The following RGS7 variants were observed in gnomAD, a reference collection of about 807,000 sequenced individuals.
The protein encoded by RGS7 is regulator of G-protein signaling 7.
In RGS7, 27 loss-of-function variants were observed where a neutral mutation model predicts 81.1. That is an observed-to-expected ratio of 0.33 (90% CI 0.25 to 0.46). The LOEUF is 0.46. Among genes scored for constraint, RGS7 ranks in the 20% least tolerant of loss-of-function variants. The probability of loss-of-function intolerance (pLI) is 1.00; values close to 1 mark genes in which losing one functional copy is unlikely to be tolerated. For synonymous variants in RGS7, 208 were observed against 207.7 expected (o/e 1.00, Z -0.01); for missense variants, 396 against 607.4 (o/e 0.65, Z 3.66).
In RGS7 at chr1:240,931,481, C is replaced by T. The variant is rs569457657; in HGVS notation, c.334-713G>A. Among the ~76,000 whole-genome samples, 10 of 152,106 alleles carry T rather than the reference C, an allele frequency of 6.6e-5. No individual in the cohort carries two copies. In the South Asian group the frequency reaches 2.1e-3, roughly 32 times the overall value. ...AATAAATGCTTGAGGGAATGGAGAT[C>T]CCATTCTCCATGATGTGATGACTCC... On this transcript the variant is annotated intron_variant, in intron 5 of 18. Transcript: ENST00000440928.
chr1:241,297,236 T>C (rs1268846150), intron 2 of RGS7, among the ~76,000 whole-genome samples: 1 of 152,180 alleles, frequency 6.6e-6, no homozygotes, highest in Admixed American at 6.5e-5. Flanking sequence ...GTGGAATGAA[T>C]TTATGGAAGA....
chr1:241,115,449 T>C (rs1294474402), intron 2 of RGS7, among the ~76,000 whole-genome samples: 1 of 152,226 alleles, frequency 6.6e-6, no homozygotes, highest in Non-Finnish European at 1.5e-5. Flanking sequence ...GAGGCATTTA[T>C]CCTTCTACTA....
chr1:241,068,236 GTGTATATATATATATATATATAAAATAT>G (rs2062189270), intron 3 of RGS7, among the ~76,000 whole-genome samples: 1 of 8,674 alleles, frequency 1.2e-4, no homozygotes, highest in Admixed American at 1.9e-3. Flanking sequence ...GTGTGTGTGT[GTGTATATATATATATATATATAAAATAT>G]TGTGTATATA....
chr1:240,921,514 A>C (rs1242991672), intron 6 of RGS7, among the ~76,000 whole-genome samples: 1 of 152,150 alleles, frequency 6.6e-6, no homozygotes. Flanking sequence ...ATGTTTGTCT[A>C]GGTAGACAAT....
chr1:240,955,982 T>C (rs1397870159), intron 4 of RGS7, among the ~76,000 whole-genome samples: 1 of 152,170 alleles, frequency 6.6e-6, no homozygotes, highest in Non-Finnish European at 1.5e-5. Context: ...GGTTGTCAGG[T>C]ATAGCACTAA....
intron 9 of RGS7, among the ~76,000 whole-genome samples, chr1:240,862,421 ATGGC>A (rs1405548490): frequency 6.6e-6 from 1 of 152,174 alleles, no homozygotes; most frequent in Non-Finnish European, 1.5e-5. Context: ...TTTCTGGCTA[ATGGC>A]TTCCAATCCA....
At position 241,091,875 on chromosome 1, in the gene RGS7, A is replaced by T. The variant is rs1271526437; in HGVS notation, c.175+6791T>A. Among the ~76,000 whole-genome samples, 6 of 152,252 alleles carry T rather than the reference A, an allele frequency of 3.9e-5. No individual in the cohort carries two copies. In the East Asian group the frequency reaches 1.2e-3, roughly 29 times the overall value. On this transcript the variant is annotated intron_variant, in intron 3 of 18. Transcript: ENST00000440928. ...GTGCTCCAGCCTGAATGACAGAATG[A>T]GACTCTGCCTCAAACAAACAAACCA...
intron 9 of RGS7, among the ~76,000 whole-genome samples, chr1:240,835,771 A>C (rs1235720273): frequency 6.6e-6 from 1 of 152,214 alleles, no homozygotes; most frequent in Admixed American, 6.5e-5. Context: ...ATGAGCCATT[A>C]AGCCACAAAA....
chr1:240,864,496 A>C (rs1022422019), intron 9 of RGS7, among the ~76,000 whole-genome samples: 3 of 152,226 alleles, frequency 2.0e-5, no homozygotes, highest in Non-Finnish European at 2.9e-5. Flanking sequence ...TGAAGAGGAA[A>C]GTCAACAGTC....
chr1:240,811,353 G>A (rs1689813372), intron 14 of RGS7, among the ~76,000 whole-genome samples: 1 of 152,188 alleles, frequency 6.6e-6, no homozygotes, highest in East Asian at 1.9e-4. Flanking sequence ...ATATAAAGAT[G>A]ATGTTTACAA....
intron 2 of RGS7, among the ~76,000 whole-genome samples, chr1:241,261,768 CCA>C (rs201317910): frequency 0.16 from 20,885 of 133,120 alleles, 1,752 homozygotes; most frequent in Admixed American, 0.26. Flanking sequence ...TTAATTTTAA[CCA>C]AAAAACCCAT....
chr1:240,792,842 T>C (rs1324522006), intron 18 of RGS7, among the ~76,000 whole-genome samples: 2 of 152,198 alleles, frequency 1.3e-5, no homozygotes, highest in African/African-American at 4.8e-5. Flanking sequence ...CTTTGTCTTA[T>C]CTATCCATTC....
intron 2 of RGS7, among the ~76,000 whole-genome samples, chr1:241,262,841 C>T (rs1573408276): frequency 6.6e-6 from 1 of 152,140 alleles, no homozygotes; most frequent in African/African-American, 2.4e-5. Context: ...TGATTCATGC[C>T]TGTAATTCCA....
intron 10 of RGS7, 22 bp downstream of exon 10, chr1:240,827,076 G>C (rs774953230): frequency 6.3e-7 from 1 of 1,590,940 alleles, no homozygotes; most frequent in South Asian, 1.1e-5. Context: ...ACCAAGATCA[G>C]CACAACAAAT....
At chr1:241,122,178 T>C (rs1376210888) in intron 2 of RGS7, among the ~76,000 whole-genome samples, 3 of 152,202 alleles carry the variant, frequency 2.0e-5, no homozygotes, top group Non-Finnish European at 4.4e-5. Flanking sequence ...ATTCATCCTG[T>C]TGGCAAGCTG....
At chr1:240,893,604 T>TA (rs150441274) in intron 6 of RGS7, among the ~76,000 whole-genome samples, 19,318 of 150,270 alleles carry the variant, frequency 0.13, 1,324 homozygotes, top group Middle Eastern at 0.17. Context: ...AAGACTGCAT[T>TA]AAAAAAAAAC....
At chr1:241,268,837 C>G (rs961866489) in intron 2 of RGS7, among the ~76,000 whole-genome samples, 3 of 152,146 alleles carry the variant, frequency 2.0e-5, no homozygotes, top group African/African-American at 7.2e-5. Flanking sequence ...AATGTGTGGA[C>G]ACCTCTAGCC....
intron 2 of RGS7, among the ~76,000 whole-genome samples, chr1:241,134,590 C>A (rs906825605): frequency 6.6e-6 from 1 of 152,194 alleles, no homozygotes; most frequent in Non-Finnish European, 1.5e-5. Context: ...ACTATCCCCA[C>A]ACCTACGCCA....
intron 2 of RGS7, among the ~76,000 whole-genome samples, chr1:241,332,227 A>G (rs2082015335): frequency 6.6e-6 from 1 of 152,182 alleles, no homozygotes; most frequent in Non-Finnish European, 1.5e-5. Context: ...AGGAAGGATA[A>G]TGGATCTGCA....
Sources: allele counts gnomAD v4.1 joint callset (sites outside exome capture counted in the v4.1 genomes callset), GRCh38; gene constraint gnomAD v4.1.1; transcripts MANE v1.5; gene names NCBI Gene and HGNC (gene_info 2026-07-23, HGNC 2026-07-21).